The following MIDN variants were observed in gnomAD, a reference collection of about 807,000 sequenced individuals.
The protein encoded by MIDN is midnolin.
A neutral mutation model predicts 46.1 loss-of-function variants in MIDN; 26 were observed. That is an observed-to-expected ratio of 0.56 (90% confidence interval 0.41 to 0.78). MIDN has a LOEUF of 0.78. Ranked by LOEUF, MIDN falls within the 30% of genes least tolerant of loss-of-function variation. MIDN has a pLI of 0.00. For missense variants in MIDN, 850 were observed against 771.8 expected, an observed-to-expected ratio of 1.10 and a Z score of -1.20; for synonymous variants, 432 against 343.3, an observed-to-expected ratio of 1.26 and a Z score of -2.86.
intron 4 of MIDN, among the ~76,000 whole-genome samples, chr19:1,252,250 C>T (rs1599978772): frequency 6.6e-6 from 1 of 152,226 alleles, no homozygotes; most frequent in Non-Finnish European, 1.5e-5. Context: ...CCCCTCCAGC[C>T]GCTGTGGCTT....
chr19:1,248,736 C>G (rs2081085080), intron 1 of MIDN, 76 bp downstream of exon 1: 1 of 152,192 alleles, frequency 6.6e-6, no homozygotes, highest in African/African-American at 2.4e-5. Flanking sequence ...CCGCACTTTT[C>G]TTTGTTCTTG....
chr19:1,255,532 A>G lies in MIDN; in HGVS notation c.1096A>G (p.Met366Val). 1 of 1,612,032 alleles carries G rather than the reference A, an allele frequency of 6.2e-7. No homozygotes were observed. Among genetic ancestry groups the G allele is most frequent in the Non-Finnish European group, 8.5e-7 (1 of 1,179,610 alleles). The change falls in exon 8 of 9, where the codon ATG becomes GTG. Residue 366 changes from methionine (M) to valine (V), a missense_variant. Coordinates refer to ENST00000682408, the MANE Select transcript of MIDN (RefSeq NM_001388306.1). ...GAGCGCCACCCGGCACTACCAGGGC[A>G]TGCCCCCTTCGCTGGCCCAGCTCCG... ...LLSATRHYQG[M>V]PPSLAQLRCH...
chr19:1,249,540 G>C (rs2081095568), intron 1 of MIDN, among the ~76,000 whole-genome samples: 1 of 148,982 alleles, frequency 6.7e-6, no homozygotes, highest in Admixed American at 6.6e-5. Flanking sequence ...TGGGTCCCGC[G>C]CCCCCCGGGG....
intron 8 of MIDN, 130 bp downstream of exon 8, chr19:1,255,824 C>T: frequency 3.5e-6 from 3 of 852,732 alleles, no homozygotes; most frequent in Non-Finnish European, 5.3e-6. Flanking sequence ...GCTGCCGTGG[C>T]CACTGCTCTG....
rs757117610 is a variant in MIDN, at chr19:1,251,826, CCT to C, written c.322-8_322-7del. 2.5e-5 allele frequency: 40 copies of C among 1,611,598 alleles called. No individual in the cohort carries two copies. Among genetic ancestry groups the C allele is most frequent in the Non-Finnish European group, 3.1e-5 (37 of 1,178,220 alleles). On this transcript the variant is annotated splice_polypyrimidine_tract_variant and intron_variant, in intron 3 of 8. Transcript: ENST00000682408. The stretch of plus-strand genomic sequence containing the variant: ...ACCCCACACTCAGGCCCCTCTCCTC[CCT>C]CTCTTTGTAGTCTCAGGCCTCAAGG...
At chr19:1,253,337 T>A (rs941730594) in intron 4 of MIDN, among the ~76,000 whole-genome samples, 5 of 150,834 alleles carry the variant, frequency 3.3e-5, no homozygotes, top group African/African-American at 1.2e-4. Flanking sequence ...CTACTGCCAG[T>A]GGAGAGGAGA....
Position 1,255,438 on chromosome 19 carries a change from C to G in MIDN, c.1002C>G (p.Asn334Lys). The G allele has an allele frequency of 1.3e-6, 2 of 1,596,832 alleles. No individual in the cohort carries two copies. The highest frequency in any genetic ancestry group is 1.7e-6 in the Non-Finnish European group (2 of 1,172,672). The change falls in exon 8 of 9, where the codon AAC becomes AAG. Residue 334 changes from asparagine to lysine, a missense_variant. Transcript: ENST00000682408. ...SGTFSGTLHP[N>K]CQDSSGRPRR... ...TGCCCGCAGGCACGCTACACCCCAACTGCCAAGACAGCAGCGGGCGGCCGC... is the reference window on the plus strand; with the variant it reads ...TGCCCGCAGGCACGCTACACCCCAAGTGCCAAGACAGCAGCGGGCGGCCGC...
intron 4 of MIDN, among the ~76,000 whole-genome samples, chr19:1,252,814 C>T (rs1348952067): frequency 2.0e-5 from 3 of 151,816 alleles, no homozygotes; most frequent in African/African-American, 4.8e-5. Context: ...GGGCGGGGGC[C>T]GGGAGCTGGG....
intron 8 of MIDN, among the ~76,000 whole-genome samples, chr19:1,256,126 G>C (rs1179708012): frequency 6.6e-6 from 1 of 152,248 alleles, no homozygotes; most frequent in Admixed American, 6.5e-5. Context: ...CTCACCAGAA[G>C]ATGGCTACTG....
intron 6 of MIDN, 148 bp downstream of exon 6, chr19:1,254,626 C>CA: frequency 1.1e-6 from 1 of 906,752 alleles, no homozygotes; most frequent in Non-Finnish European, 1.7e-6. Context: ...GGTGGGTGAT[C>CA]CCCCAGCCTA....
At position 1,252,045 on chromosome 19, in the gene MIDN, C is replaced by T. The variant is rs1248408239; in HGVS notation, c.384+144C>T. On this transcript the variant is annotated intron_variant, in intron 4 of 8. Coordinates refer to ENST00000682408, the MANE Select transcript of MIDN (RefSeq NM_001388306.1). ...CCACCCCGCCTGGGTGCCAGCCTGG[C>T]CTGGCCTCCCCACCTCCTCTCCCCC... 6.0e-6 allele frequency: 4 copies of T among 667,350 alleles called. No homozygotes were observed. In the African/African-American group the frequency reaches 7.2e-5, roughly 12 times the overall value. 41.3% of individuals were successfully genotyped at this position (667,350 alleles called of 1,614,324 possible).
At chr19:1,251,714 G>T in intron 3 of MIDN, 65 bp downstream of exon 3, 1 of 1,535,164 alleles carries the variant, frequency 6.5e-7, no homozygotes. Flanking sequence ...CCCTCCCTCG[G>T]TACCTGTCCG....
intron 8 of MIDN, among the ~76,000 whole-genome samples, chr19:1,256,438 C>T (rs1291610203): frequency 2.7e-5 from 4 of 150,324 alleles, no homozygotes; most frequent in Admixed American, 6.6e-5. Flanking sequence ...GCCGAGATCG[C>T]GCCACTGCAC....
chr19:1,255,164 C>A, intron 7 of MIDN, 103 bp downstream of exon 7: 1 of 1,365,908 alleles, frequency 7.3e-7, no homozygotes, highest in Non-Finnish European at 1.0e-6. Context: ...TGGGCATACA[C>A]AGGCTGTGTC....
intron 4 of MIDN, among the ~76,000 whole-genome samples, chr19:1,253,250 C>G (rs910888778): frequency 2.0e-5 from 3 of 151,700 alleles, no homozygotes; most frequent in African/African-American, 7.3e-5. Flanking sequence ...GCAGGCTGGG[C>G]CGCAGGGTGG....
rs1223458921 is a variant in MIDN, at chr19:1,250,210, C to A, written c.-87C>A. 4.0e-6 allele frequency: 2 copies of A among 498,624 alleles called. No homozygotes were observed. The highest frequency in any genetic ancestry group is 5.2e-6 in the Non-Finnish European group (2 of 385,140). 30.9% of individuals were successfully genotyped at this position (498,624 alleles called of 1,614,324 possible). A position where few individuals can be genotyped will look rare whatever the true frequency, so the allele number is the denominator to read the frequency against. On this transcript the variant is annotated 5_prime_UTR_variant, in exon 2 of 9. Coordinates refer to ENST00000682408, the MANE Select transcript of MIDN (RefSeq NM_001388306.1). ...GCCCCCGAGTGCCCGGAGGACCCGG[C>A]ATCCGGGGAGCCTCTCGCCCCTGTC...
chr19:1,255,798 G>C (rs2081192739), intron 8 of MIDN, 104 bp downstream of exon 8: 1 of 1,161,088 alleles, frequency 8.6e-7, no homozygotes, highest in Non-Finnish European at 1.2e-6. Context: ...CTGCCCAGGG[G>C]CTGGGGGGGA....
chr19:1,253,830 GTTGT>G, intron 4 of MIDN, 120 bp from the exon 5 acceptor site: 1 of 724,510 alleles, frequency 1.4e-6, no homozygotes, highest in Non-Finnish European at 1.9e-6. Context: ...CAAAGTGAAG[GTTGT>G]TTGAGGTCAG....
At chr19:1,255,749 G>T in intron 8 of MIDN, 55 bp downstream of exon 8, 2 of 1,457,560 alleles carry the variant, frequency 1.4e-6, no homozygotes, top group Non-Finnish European at 1.8e-6. Flanking sequence ...GCTTCTCAAG[G>T]CCCCTCTGTG....
Sources: allele counts gnomAD v4.1 joint callset (sites outside exome capture counted in the v4.1 genomes callset), GRCh38; gene constraint gnomAD v4.1.1; transcripts MANE v1.5; gene names NCBI Gene and HGNC (gene_info 2026-07-23, HGNC 2026-07-21).